ASIC4: variants seen among roughly 807,000 people sequenced by gnomAD.
ASIC4 encodes acid sensing ion channel subunit family member 4, also known as acid-sensing ion channel 4.
ASIC4 carries 28 observed loss-of-function variants against 53.4 expected under a neutral mutation model. The ratio of observed to expected loss-of-function variants is 0.52; its 90% CI spans 0.39 to 0.72. ASIC4 has a LOEUF of 0.72. Ranked by LOEUF, ASIC4 falls within the 30% of genes least tolerant of loss-of-function variation. The pLI is 0.00. For synonymous variants in ASIC4, 289 were observed against 301.4 expected (o/e 0.96, Z 0.43); for missense variants, 649 against 729.7 (o/e 0.89, Z 1.27).
chr2:219,514,080 GGT>G (rs1048833366), upstream of ASIC4: 9 of 494,990 alleles, frequency 1.8e-5, no homozygotes, highest in African/African-American at 1.4e-4. Flanking sequence ...CCCTTCATGG[GGT>G]GTGGGCCAGG....
intron 1 of ASIC4, among the ~76,000 whole-genome samples, chr2:219,527,620 G>C (rs1342664971): frequency 6.6e-6 from 1 of 152,196 alleles, no homozygotes; most frequent in East Asian, 1.9e-4. Flanking sequence ...CTGGGGTTCA[G>C]TTCTGTTTGA....
chr2:219,519,557 AG>A (rs1177912256), intron 1 of ASIC4, among the ~76,000 whole-genome samples: 2 of 152,266 alleles, frequency 1.3e-5, no homozygotes, highest in African/African-American at 4.8e-5. Context: ...TGCTGCCAAT[AG>A]AACATTCTGT....
intron 5 of ASIC4, 84 bp downstream of exon 5, chr2:219,533,023 C>A: frequency 7.1e-7 from 1 of 1,402,276 alleles, no homozygotes; most frequent in Non-Finnish European, 1.0e-6. Context: ...TTGGATCCTC[C>A]CCTCCCAATC....
At chr2:219,532,823 G>T (rs1160973285) in intron 4 of ASIC4, 60 bp from the exon 5 acceptor site, 2 of 1,500,152 alleles carry the variant, frequency 1.3e-6, no homozygotes, top group South Asian at 1.2e-5. Context: ...CTTACATTTG[G>T]GCGTGTGGGG....
At chr2:219,533,564 T>C (rs1037369417) in intron 5 of ASIC4, 5 of 157,070 alleles carry the variant, frequency 3.2e-5, no homozygotes, top group African/African-American at 9.6e-5. Context: ...CCTGGGAAGG[T>C]AGGGAGGATT....
intron 1 of ASIC4, among the ~76,000 whole-genome samples, chr2:219,528,726 G>A (rs1694996151): frequency 6.6e-6 from 1 of 152,082 alleles, no homozygotes; most frequent in South Asian, 2.1e-4. Flanking sequence ...TTTTAGTAGA[G>A]ATGTGGTTTC....
At position 219,531,684 on chromosome 2, in the gene ASIC4, G is replaced by A. The variant is rs138122511; in HGVS notation, c.583-74G>A. ...CAAGCAGATCTGGTGGCCCTCAGCA[G>A]GGAGCAGGGAACTTCGGAGTTGCCT... On this transcript the variant is annotated intron_variant, in intron 1 of 9. Coordinates refer to ENST00000358078, the MANE Select transcript of ASIC4 (RefSeq NM_018674.6). 3.1e-5 allele frequency: 46 copies of A among 1,499,382 alleles called. No individual in the cohort carries two copies. The African/African-American group carries it at 5.0e-4, about 16-fold the overall frequency. 92.9% of individuals were successfully genotyped at this position (1,499,382 alleles called of 1,614,324 possible). A position where few individuals can be genotyped will look rare whatever the true frequency, so the allele number is the denominator to read the frequency against.
chr2:219,526,400 TCGACAGC>T (rs1217918459), intron 1 of ASIC4, among the ~76,000 whole-genome samples: 1 of 151,950 alleles, frequency 6.6e-6, no homozygotes, highest in African/African-American at 2.4e-5. Flanking sequence ...AGGCTGAGAC[TCGACAGC>T]CAGACTAAGG....
Position 219,537,724 on chromosome 2 carries a change from G to T in ASIC4, c.1494G>T (p.Glu498Asp). Residue 498 changes from glutamate to aspartate, a missense_variant, in exon 9 of 10, where the codon GAG (glutamate) becomes GAT (aspartate). Glu to Asp is a conservative substitution (Grantham distance 45). Transcript: ENST00000358078. This position sits in a 1 kb window ranked among gnomAD's most constrained non-coding sequence, Gnocchi z 4.9. Reference protein sequence around the residue: ...TGGISTLGLQELKEQSPCPSR... With the variant: ...TGGISTLGLQDLKEQSPCPSR... Reference sequence around the variant, plus strand: ...GCATCTCCACTTTGGGGCTTCAGGAGCTGAAGGAACAGGTGAGGACAAGCT... The same window carrying T: ...GCATCTCCACTTTGGGGCTTCAGGATCTGAAGGAACAGGTGAGGACAAGCT... The T allele has an allele frequency of 6.2e-7, 1 of 1,613,608 alleles. No individual in the cohort carries two copies. The highest frequency in any genetic ancestry group is 1.1e-5 in the South Asian group (1 of 90,996).
At chr2:219,513,065 C>T (rs1046951805), upstream of ASIC4, among the ~76,000 whole-genome samples, 22 of 152,212 alleles carry the variant, frequency 1.4e-4, no homozygotes, top group Admixed American at 7.8e-4. Context: ...CGTTGGGCAG[C>T]GGGTGGACCT....
At chr2:219,535,132 TCTC>T (rs1469522006) in intron 5 of ASIC4, 36 bp from the exon 6 acceptor site, 2 of 1,588,200 alleles carry the variant, frequency 1.3e-6, no homozygotes, top group African/African-American at 2.7e-5. Flanking sequence ...GGACCACCCT[TCTC>T]CAACTCCCAC....
In ASIC4 at chr2:219,514,993, G is replaced by A. The variant is rs975816858; in HGVS notation, c.269G>A (p.Arg90Gln). ...CTGTACCAGGCGGCTGGCCTGGCCCGGGGCTACCTGACCCGGCCTCACCTG... is the reference window on the plus strand; with the variant it reads ...CTGTACCAGGCGGCTGGCCTGGCCCAGGGCTACCTGACCCGGCCTCACCTG... ...AFLYQAAGLA[R>Q]GYLTRPHLVA... Residue 90 changes from arginine to glutamine, a missense_variant, in exon 1 of 10, where the codon CGG becomes CAG. Physicochemically the swap from Arg to Gln is conservative, Grantham distance 43. Coordinates refer to ENST00000358078, the MANE Select transcript of ASIC4 (RefSeq NM_018674.6). 8.1e-6 allele frequency: 13 copies of A among 1,612,930 alleles called. No individual in the cohort carries two copies. The highest frequency in any genetic ancestry group is 1.7e-5 in the Admixed American group (1 of 59,972).
chr2:219,510,671 C>T (rs953814771), upstream of ASIC4, among the ~76,000 whole-genome samples: 1 of 152,034 alleles, frequency 6.6e-6, no homozygotes, highest in Non-Finnish European at 1.5e-5. The surrounding 1 kb of genome is among the most constrained non-coding windows in gnomAD (Gnocchi z 5.2). Context: ...TGGGAGTACC[C>T]GAAAGGAGAT....
At chr2:219,510,578 G>A (rs1694687892), upstream of ASIC4, among the ~76,000 whole-genome samples, 1 of 152,112 alleles carries the variant, frequency 6.6e-6, no homozygotes, top group South Asian at 2.1e-4. The surrounding 1 kb of genome is among the most constrained non-coding windows in gnomAD (Gnocchi z 5.2). Context: ...CCCTTTCCTG[G>A]TGTCTTCCCC....
chr2:219,507,989 C>A, the ASIC4 span, among the ~76,000 whole-genome samples: 1 of 152,098 alleles, frequency 6.6e-6, no homozygotes, highest in Non-Finnish European at 1.5e-5. Flanking sequence ...ACCTCCCAGG[C>A]CCCTCAGGTC....
At chr2:219,519,454 G>A (rs1438162385) in intron 1 of ASIC4, among the ~76,000 whole-genome samples, 3 of 152,146 alleles carry the variant, frequency 2.0e-5, no homozygotes, top group Non-Finnish European at 4.4e-5. Flanking sequence ...ACCCTCCTCT[G>A]CCCTGTACTA....
At position 219,514,526 on chromosome 2, in the gene ASIC4, G is replaced by C. The variant is rs1370149330; in HGVS notation, c.-199G>C. 9.7e-6 allele frequency: 15 copies of C among 1,552,430 alleles called. No individual in the cohort carries two copies. The highest frequency in any genetic ancestry group is 1.0e-5 in the Non-Finnish European group (12 of 1,147,986). ...AGCAGAGGCAGCAGCGGCAGAGGCAGCACCAGGGCTGCGGAGCTGCTGGGA... is the reference window on the plus strand; with the variant it reads ...AGCAGAGGCAGCAGCGGCAGAGGCACCACCAGGGCTGCGGAGCTGCTGGGA... On this transcript the variant is annotated 5_prime_UTR_variant, in exon 1 of 10. Transcript: ENST00000358078.
At chr2:219,514,224 G>T, upstream of ASIC4, 1 of 1,226,472 alleles carries the variant, frequency 8.2e-7, no homozygotes, top group Non-Finnish European at 1.1e-6. Flanking sequence ...CCAGTCTTGG[G>T]ATCTCTGTCC....
rs767244330 is a variant in ASIC4 at position 219,514,592 on chromosome 2, T to C, written c.-133T>C. 9 of 1,593,450 alleles carry C rather than the reference T, an allele frequency of 5.6e-6. No homozygotes were observed. Among genetic ancestry groups the C allele is most frequent in the African/African-American group, 2.7e-5 (2 of 74,480 alleles). On this transcript the variant is annotated 5_prime_UTR_variant, in exon 1 of 10. Coordinates refer to ENST00000358078, the MANE Select transcript of ASIC4 (RefSeq NM_018674.6). ...CCACCTCGGGCCCCCACCCTGTCCCTGTCCTCTTCCCGCTTGCCCTGAGTT... is the reference window on the plus strand; with the variant it reads ...CCACCTCGGGCCCCCACCCTGTCCCCGTCCTCTTCCCGCTTGCCCTGAGTT...
Sources: allele counts gnomAD v4.1 joint callset (sites outside exome capture counted in the v4.1 genomes callset), GRCh38; gene constraint gnomAD v4.1.1; non-coding constraint Gnocchi (gnomAD v3.1); transcripts MANE v1.5; gene names NCBI Gene and HGNC (gene_info 2026-07-23, HGNC 2026-07-21).